DEUP1: variants seen among roughly 807,000 people sequenced by gnomAD.
The protein encoded by DEUP1 is coiled-coil domain containing 67.
In DEUP1, 82 loss-of-function variants were observed where a neutral mutation model predicts 87.4. The ratio of observed to expected loss-of-function variants is 0.94; its 90% CI spans 0.78 to 1.13. The LOEUF is 1.13. DEUP1 is among the 50% of genes most tolerant of loss of function. The probability of loss-of-function intolerance (pLI) is 0.00; values close to 1 mark genes in which losing one functional copy is unlikely to be tolerated. For synonymous variants in DEUP1, 214 were observed against 222.7 expected (o/e 0.96, Z 0.35); for missense variants, 663 against 681.5 (o/e 0.97, Z 0.30).
chr11:93,416,485 G>T (rs1047438294), intron 13 of DEUP1, among the ~76,000 whole-genome samples: 12 of 152,086 alleles, frequency 7.9e-5, no homozygotes, highest in African/African-American at 2.9e-4. Flanking sequence ...CCAGGAAGAA[G>T]TTGAATCTCT....
intron 13 of DEUP1, among the ~76,000 whole-genome samples, chr11:93,432,609 C>G (rs1387427469): frequency 6.6e-6 from 1 of 151,964 alleles, no homozygotes; most frequent in Non-Finnish European, 1.5e-5. Flanking sequence ...TGGGTTTTAC[C>G]AGGTTATTAG....
chr11:93,420,122 T>A (rs1268356083), intron 13 of DEUP1, among the ~76,000 whole-genome samples: 1 of 152,162 alleles, frequency 6.6e-6, no homozygotes, highest in Non-Finnish European at 1.5e-5. Context: ...ATAAGAGAAT[T>A]TTAGACCAAT....
chr11:93,376,464 A>C (rs1946046779), intron 7 of DEUP1, among the ~76,000 whole-genome samples: 1 of 152,052 alleles, frequency 6.6e-6, no homozygotes, highest in African/African-American at 2.4e-5. Flanking sequence ...ATCGGTTTGA[A>C]TATCTCCTGT....
chr11:93,390,874 G>A (rs1946743858), intron 9 of DEUP1, among the ~76,000 whole-genome samples: 1 of 152,120 alleles, frequency 6.6e-6, no homozygotes, highest in Non-Finnish European at 1.5e-5. Flanking sequence ...ACCAGGTCAG[G>A]AGTTTGAGAC....
chr11:93,390,286 G>C (rs1946727388), intron 9 of DEUP1, among the ~76,000 whole-genome samples: 1 of 152,088 alleles, frequency 6.6e-6, no homozygotes, highest in Non-Finnish European at 1.5e-5. Flanking sequence ...TCAGTTGTTT[G>C]TACAAATTTA....
At chr11:93,432,664 A>G (rs1217016326) in intron 13 of DEUP1, among the ~76,000 whole-genome samples, 1 of 152,154 alleles carries the variant, frequency 6.6e-6, no homozygotes, top group Non-Finnish European at 1.5e-5. Context: ...GAGGATAGAG[A>G]CAAGATACAG....
In DEUP1 at chr11:93,373,610, T is replaced by C. The variant is rs1313010795; in HGVS notation, c.789+2330T>C. ...ATATATATACGTATATATATTTATA[T>C]ATGTATATATATACGTATATATATA... On this transcript the variant is annotated intron_variant, in intron 7 of 13. Transcript: ENST00000298050. 2.3e-3 allele frequency among the ~76,000 whole-genome samples: 209 copies of C among 91,016 alleles called. 1 individual carries two copies. The highest frequency in any genetic ancestry group is 7.1e-3 in the African/African-American group (203 of 28,740). 59.7% of individuals were successfully genotyped at this position (91,016 alleles called of 152,430 possible). A position where few individuals can be genotyped will look rare whatever the true frequency, so the allele number is the denominator to read the frequency against.
rs1482262055 is a variant in DEUP1 at position 93,415,057 on chromosome 11, AT to A, written c.1584del (p.Gln529LysfsTer5). On this transcript the variant is annotated frameshift_variant, in exon 13 of 14. Transcript: ENST00000298050. LOFTEE classifies it high-confidence loss of function. ...CAATGCCTCCCTTGCCACCTTCGAC[AT>A]TTCAAGCCAAAGAAATGACAAGTCC... ...STMPPLPPST[F>X]QAKEMTSPLV... is the part of the protein sequence containing the mutation. The A allele has an allele frequency of 3.1e-6, 5 of 1,609,352 alleles. No individual in the cohort carries two copies. The highest frequency in any genetic ancestry group is 4.2e-6 in the Non-Finnish European group (5 of 1,178,274).
At chr11:93,432,421 C>G (rs896832186) in intron 13 of DEUP1, among the ~76,000 whole-genome samples, 2 of 152,168 alleles carry the variant, frequency 1.3e-5, no homozygotes, top group African/African-American at 2.4e-5. Context: ...AGAAAGTGAA[C>G]ATACTAGGGA....
chr11:93,403,775 T>C (rs1329816780), intron 11 of DEUP1, among the ~76,000 whole-genome samples: 1 of 151,750 alleles, frequency 6.6e-6, no homozygotes, highest in Non-Finnish European at 1.5e-5. Context: ...CTTTATCATA[T>C]CTATTATATA....
intron 2 of DEUP1, among the ~76,000 whole-genome samples, chr11:93,343,016 C>A (rs1300517573): frequency 6.6e-6 from 1 of 152,102 alleles, no homozygotes; most frequent in Non-Finnish European, 1.5e-5. Context: ...GTTTGAGGTG[C>A]CTCTGGCCAT....
rs200181053 is a variant in DEUP1 at position 93,419,854 on chromosome 11, TAATAAAATAA to T, written c.1638+4758_1638+4767del. ...AATAAACAAAACACCTTCAAAAAAATAATAAAATAAAATAAAATAAAATAAAAATTAAAAA... is the reference window on the plus strand; with the variant it reads ...AATAAACAAAACACCTTCAAAAAAATAATAAAATAAAATAAAAATTAAAAA... On this transcript the variant is annotated intron_variant, in intron 13 of 13. Coordinates refer to ENST00000298050, the MANE Select transcript of DEUP1 (RefSeq NM_181645.4). Among the ~76,000 whole-genome samples the T allele has an allele frequency of 2.3e-4, 33 of 145,812 alleles. 2 individuals carry two copies. In the South Asian group the frequency reaches 4.6e-3, roughly 20 times the overall value.
At chr11:93,355,599 T>A in intron 3 of DEUP1, 57 bp downstream of exon 3, 1 of 1,420,508 alleles carries the variant, frequency 7.0e-7, no homozygotes. Context: ...CATATAGTAT[T>A]CTATCAGAAT....
intron 11 of DEUP1, among the ~76,000 whole-genome samples, chr11:93,398,164 A>G (rs1946999357): frequency 6.6e-6 from 1 of 152,132 alleles, no homozygotes; most frequent in Non-Finnish European, 1.5e-5. Flanking sequence ...TTGAATCATA[A>G]CACGTACTTC....
At chr11:93,332,335 C>A in intron 2 of DEUP1, 47 bp downstream of exon 2, 6 of 1,480,352 alleles carry the variant, frequency 4.1e-6, no homozygotes, top group Non-Finnish European at 5.6e-6. Context: ...CTTAACTGTG[C>A]CAAAAACTTC....
chr11:93,346,994 A>G (rs1448819112), intron 2 of DEUP1, among the ~76,000 whole-genome samples: 1 of 152,140 alleles, frequency 6.6e-6, no homozygotes, highest in Non-Finnish European at 1.5e-5. Context: ...GCAAACAAGG[A>G]TAGTTTGACT....
chr11:93,428,875 T>A (rs183058143), intron 13 of DEUP1, among the ~76,000 whole-genome samples: 2 of 152,314 alleles, frequency 1.3e-5, no homozygotes, highest in East Asian at 3.9e-4. Flanking sequence ...CTTGCTCTAC[T>A]GTCTAACACA....
intron 6 of DEUP1, 24 bp downstream of exon 6, chr11:93,370,210 T>C (rs1379325240): frequency 8.3e-7 from 1 of 1,198,782 alleles, no homozygotes; most frequent in African/African-American, 1.5e-5. Context: ...TACTATTCTC[T>C]AAATCAAAAG....
chr11:93,398,096 G>GAT (rs1946996308), intron 11 of DEUP1, among the ~76,000 whole-genome samples: 1 of 151,734 alleles, frequency 6.6e-6, no homozygotes, highest in African/African-American at 2.4e-5. Context: ...AACTTTTTCA[G>GAT]ATATATATAC....
Sources: allele counts gnomAD v4.1 joint callset (sites outside exome capture counted in the v4.1 genomes callset), GRCh38; gene constraint gnomAD v4.1.1; transcripts MANE v1.5; gene names NCBI Gene and HGNC (gene_info 2026-07-23, HGNC 2026-07-21).